PIWIL1: variants seen among roughly 807,000 people sequenced by gnomAD.
PIWIL1 encodes piwi like RNA-mediated gene silencing 1.
In PIWIL1, 73 loss-of-function variants were observed where a neutral mutation model predicts 114.4. The ratio of observed to expected loss-of-function variants is 0.64; its 90% CI spans 0.53 to 0.78. The LOEUF is 0.78. Ranked by LOEUF, PIWIL1 falls within the 30% of genes least tolerant of loss-of-function variation. The probability of loss-of-function intolerance (pLI) is 0.00; values close to 1 mark genes in which losing one functional copy is unlikely to be tolerated. For synonymous variants in PIWIL1, 375 were observed against 369.0 expected (o/e 1.02, Z -0.19); for missense variants, 723 against 1,063.1 (o/e 0.68, Z 4.45).
At chr12:130,408,187 C>A in the PIWIL1 span, among the ~76,000 whole-genome samples, 1 of 152,206 alleles carries the variant, frequency 6.6e-6, no homozygotes, top group Non-Finnish European at 1.5e-5. Context: ...GGAGGCCCTG[C>A]AGAGTGCACG....
the PIWIL1 span, among the ~76,000 whole-genome samples, chr12:130,408,593 A>G: frequency 2.5e-3 from 381 of 152,266 alleles, no homozygotes; most frequent in Non-Finnish European, 3.7e-3. Flanking sequence ...AGCGCTCCAC[A>G]CAGATAACAG....
intron 19 of PIWIL1, among the ~76,000 whole-genome samples, chr12:130,369,940 C>G (rs563524132): frequency 3.3e-5 from 5 of 152,298 alleles, no homozygotes; most frequent in South Asian, 4.1e-4. Context: ...GAAGCCCGCT[C>G]TTAATGAGCA....
chr12:130,340,638 A>AGGGGGGGGGGGG (rs1252877689), intron 1 of PIWIL1, among the ~76,000 whole-genome samples: 2 of 3,158 alleles, frequency 6.3e-4, no homozygotes, highest in African/African-American at 1.1e-3. Flanking sequence ...TGGTTGGGGG[A>AGGGGGGGGGGGG]GGGGGGGTGG....
chr12:130,370,165 G>A (rs1031580461), intron 19 of PIWIL1, among the ~76,000 whole-genome samples: 2 of 151,576 alleles, frequency 1.3e-5, no homozygotes, highest in African/African-American at 2.4e-5. Context: ...ATAATAAATC[G>A]CAGGGTTAAT....
chr12:130,359,180 C>T (rs894407468), intron 14 of PIWIL1, among the ~76,000 whole-genome samples: 2 of 152,114 alleles, frequency 1.3e-5, no homozygotes, highest in African/African-American at 4.8e-5. Context: ...TCTTGTAAGT[C>T]CACACACCCA....
chr12:130,345,801 GA>G lies in PIWIL1; in HGVS notation c.240del (p.Gly81ValfsTer11). 1 of 1,614,014 alleles carries G rather than the reference GA, an allele frequency of 6.2e-7. No homozygotes were observed. Among genetic ancestry groups the G allele is most frequent in the Non-Finnish European group, 8.5e-7 (1 of 1,179,912 alleles). On this transcript the variant is annotated frameshift_variant, in exon 4 of 21. Coordinates refer to ENST00000245255, the MANE Select transcript of PIWIL1 (RefSeq NM_004764.5). LOFTEE classifies it high-confidence loss of function. ...GFQELSLAER[G>X]GRRRDFHDLG... ...CAGGAGTTATCGTTAGCAGAGAGAG[GA>G]GGTCGTCGTAGAGATTTTCATGATC... is the stretch of plus-strand genomic sequence containing the variant.
chr12:130,364,258 A>G (rs774108102), intron 18 of PIWIL1, among the ~76,000 whole-genome samples: 2 of 152,196 alleles, frequency 1.3e-5, no homozygotes, highest in Non-Finnish European at 2.9e-5. Flanking sequence ...TACATATTAC[A>G]CACCCATTAT....
the PIWIL1 span, among the ~76,000 whole-genome samples, chr12:130,415,052 A>G: frequency 0.035 from 5,393 of 152,286 alleles, 343 homozygotes; most frequent in African/African-American, 0.12. Flanking sequence ...AACTCATTCT[A>G]TGAAGCCAAC....
intron 1 of PIWIL1, 127 bp from the exon 2 acceptor site, chr12:130,342,450 TAGA>T (rs748534268): frequency 4.7e-6 from 3 of 635,738 alleles, no homozygotes; most frequent in Non-Finnish European, 8.5e-6. Context: ...CATTAAAGAT[TAGA>T]AGGATACATA....
chr12:130,401,721 A>G, the PIWIL1 span, among the ~76,000 whole-genome samples: 1 of 151,996 alleles, frequency 6.6e-6, no homozygotes, highest in Non-Finnish European at 1.5e-5. Context: ...AGGGTTTTTA[A>G]TAACATCTAA....
At chr12:130,381,811 G>A in the PIWIL1 span, among the ~76,000 whole-genome samples, 6 of 152,234 alleles carry the variant, frequency 3.9e-5, no homozygotes, top group East Asian at 1.9e-4. Flanking sequence ...CTTTCCCAGC[G>A]TTTGCTATTG....
chr12:130,415,628 C>T, the PIWIL1 span, among the ~76,000 whole-genome samples: 3 of 77,688 alleles, frequency 3.9e-5, no homozygotes, highest in Non-Finnish European at 6.6e-5. Context: ...ACTGATGATA[C>T]GGCATCCATA....
At chr12:130,412,919 G>A in the PIWIL1 span, 1 of 863,090 alleles carries the variant, frequency 1.2e-6, no homozygotes, top group Non-Finnish European at 1.7e-6. Context: ...TAAATCACCT[G>A]CATAGGTCAC....
At chr12:130,411,919 A>C in the PIWIL1 span, among the ~76,000 whole-genome samples, 1 of 152,210 alleles carries the variant, frequency 6.6e-6, no homozygotes, top group South Asian at 2.1e-4. Flanking sequence ...TTTAGAAGCT[A>C]ATCAAGTTTT....
chr12:130,360,063 T>C (rs529846969), intron 14 of PIWIL1, among the ~76,000 whole-genome samples: 1 of 152,306 alleles, frequency 6.6e-6, no homozygotes, highest in African/African-American at 2.4e-5. Context: ...TTCTGCCCCG[T>C]TGAGTTTTCA....
At position 130,346,357 on chromosome 12, in the gene PIWIL1, C is replaced by T. The variant is rs922013880; in HGVS notation, c.317-13C>T. 27 of 1,593,650 alleles carry T rather than the reference C, an allele frequency of 1.7e-5. No individual in the cohort carries two copies. The highest frequency in any genetic ancestry group is 3.4e-5 in the Admixed American group (2 of 59,430). On this transcript the variant is annotated splice_polypyrimidine_tract_variant and intron_variant, in intron 4 of 20. Transcript: ENST00000245255. ...TTGATATTTTGTTAATTGACTATAA[C>T]TTCCTTTTCCAGGTTCTTCAGGCAT...
At chr12:130,424,999 G>A in the PIWIL1 span, 35,763 of 445,080 alleles carry the variant, frequency 0.08, 1,513 homozygotes, top group South Asian at 0.092. This position sits in a 1 kb window ranked among gnomAD's most constrained non-coding sequence, Gnocchi z 9.8. Flanking sequence ...TACTCAGGCC[G>A]GGGGCATGCC....
chr12:130,408,514 A>G, the PIWIL1 span, among the ~76,000 whole-genome samples: 2 of 152,170 alleles, frequency 1.3e-5, no homozygotes, highest in Non-Finnish European at 2.9e-5. Context: ...GGGCCTGGGC[A>G]TCATCCCAGC....
intron 1 of PIWIL1, 43 bp from the exon 2 acceptor site, chr12:130,342,537 T>C: frequency 9.0e-7 from 1 of 1,109,564 alleles, no homozygotes; most frequent in East Asian, 2.4e-5. Context: ...TCAAATGCGA[T>C]TGCCTCCATT....
Sources: gnomAD v4.1 joint callset for allele counts (sites outside exome capture counted in the v4.1 genomes callset) on GRCh38, gnomAD v4.1.1 for gene constraint, Gnocchi (gnomAD v3.1) non-coding constraint, MANE v1.5 for transcripts, NCBI Gene and HGNC (gene_info 2026-07-23, HGNC 2026-07-21) for gene names.